Variants in CAMTA1 observed in about 807,000 individuals in gnomAD.
CAMTA1 encodes calmodulin-binding transcription activator 1.
CAMTA1 carries 27 observed loss-of-function variants against 170.9 expected under a neutral mutation model. The observed-to-expected ratio is 0.16, with a 90% CI of 0.12 to 0.22. The LOEUF (loss-of-function observed/expected upper bound fraction) is 0.22, where lower values mean the gene tolerates loss of function less well. CAMTA1 is among the 10% of genes least tolerant of loss of function. CAMTA1 has a pLI of 1.00. For missense variants in CAMTA1, 1,619 were observed against 2,217.2 expected (o/e 0.73, Z 5.42); for synonymous variants, 833 against 891.5 (o/e 0.93, Z 1.17).
chr1:7,663,289 T>C (rs1235992917), intron 8 of CAMTA1, 64 bp from the exon 9 acceptor site: 4 of 1,501,966 alleles, frequency 2.7e-6, no homozygotes, highest in Non-Finnish European at 3.6e-6. Context: ...CTTTTGTGTG[T>C]GCATGTGTGT....
In CAMTA1 at chr1:7,146,255, C is replaced by T. The variant is rs549114522; in HGVS notation, c.302+54884C>T. Among the ~76,000 whole-genome samples the T allele has an allele frequency of 1.6e-4, 24 of 152,246 alleles. No individual in the cohort carries two copies. The South Asian group carries it at 3.7e-3, about 24-fold the overall frequency. On this transcript the variant is annotated intron_variant, in intron 4 of 22. Coordinates refer to ENST00000303635, the MANE Select transcript of CAMTA1 (RefSeq NM_015215.4). The surrounding 1 kb of genome is among the most constrained non-coding windows in gnomAD (Gnocchi z 4.3). ...GCAGGAGCTTGGCAGCCCCTGAACC[C>T]GGTGCCTGCTCATGAGCCAGTCTCC...
At chr1:7,556,596 C>T (rs1443615965) in intron 6 of CAMTA1, among the ~76,000 whole-genome samples, 1 of 152,174 alleles carries the variant, frequency 6.6e-6, no homozygotes, top group Non-Finnish European at 1.5e-5. Context: ...GCCACTGTGG[C>T]CATTCCTGCT....
Position 7,067,895 on chromosome 1 carries a change from A to G in CAMTA1, c.235-23409A>G, listed in dbSNP as rs1011851997. Reference sequence around the variant, plus strand: ...GTTATTGCCAGTGAGATGGCTAGGCACTTCTAGGACAATTTCCTGGCTCTT... The same window carrying G: ...GTTATTGCCAGTGAGATGGCTAGGCGCTTCTAGGACAATTTCCTGGCTCTT... On this transcript the variant is annotated intron_variant, in intron 3 of 22. Coordinates refer to ENST00000303635, the MANE Select transcript of CAMTA1 (RefSeq NM_015215.4). The surrounding 1 kb of genome is among the most constrained non-coding windows in gnomAD (Gnocchi z 4.3). 6.6e-6 allele frequency among the ~76,000 whole-genome samples: 1 copy of G among 152,190 alleles called. No homozygotes were observed. The highest frequency in any genetic ancestry group is 1.5e-5 in the Non-Finnish European group (1 of 68,036).
intron 5 of CAMTA1, among the ~76,000 whole-genome samples, chr1:7,284,187 T>G (rs1396268447): frequency 2.0e-5 from 2 of 98,156 alleles, no homozygotes; most frequent in Non-Finnish European, 4.1e-5. Context: ...CTTATTATTA[T>G]TATTATTATT....
chr1:7,182,694 C>G (rs1652454352), intron 4 of CAMTA1, among the ~76,000 whole-genome samples: 1 of 152,046 alleles, frequency 6.6e-6, no homozygotes, highest in Non-Finnish European at 1.5e-5. Flanking sequence ...CAGCATATAT[C>G]AGAAGTAAAG....
At chr1:6,871,651 G>T (rs919593696) in intron 3 of CAMTA1, 71 of 918,192 alleles carry the variant, frequency 7.7e-5, no homozygotes, top group Non-Finnish European at 1.1e-4. Flanking sequence ...GGCTCTACAC[G>T]ACATCAGGAA....
intron 4 of CAMTA1, among the ~76,000 whole-genome samples, chr1:7,106,070 T>G (rs1643552788): frequency 6.6e-6 from 1 of 152,260 alleles, no homozygotes; most frequent in Non-Finnish European, 1.5e-5. Flanking sequence ...TTATTTCTTT[T>G]AGACCTGGTT....
At chr1:7,028,759 C>T (rs1465488181) in intron 3 of CAMTA1, among the ~76,000 whole-genome samples, 1 of 152,130 alleles carries the variant, frequency 6.6e-6, no homozygotes, top group Non-Finnish European at 1.5e-5. Flanking sequence ...TGCACGTGCT[C>T]AGTAAGTGTT....
At chr1:7,675,783 G>A (rs1040076532) in intron 10 of CAMTA1, among the ~76,000 whole-genome samples, 2 of 152,136 alleles carry the variant, frequency 1.3e-5, no homozygotes, top group African/African-American at 2.4e-5. Context: ...TGGACTGCAT[G>A]AGCGGGGAAG....
intron 4 of CAMTA1, among the ~76,000 whole-genome samples, chr1:7,245,418 C>A (rs571530749): frequency 6.6e-6 from 1 of 151,472 alleles, no homozygotes; most frequent in Admixed American, 6.6e-5. Context: ...TATAACAGAT[C>A]TTATAGAAGA....
chr1:7,739,984 G>A (rs780447640), intron 16 of CAMTA1, among the ~76,000 whole-genome samples: 9 of 152,038 alleles, frequency 5.9e-5, no homozygotes, highest in Non-Finnish European at 1.2e-4. Flanking sequence ...AATTATGGGA[G>A]CTACAGTTCA....
intron 4 of CAMTA1, among the ~76,000 whole-genome samples, chr1:7,119,494 C>T (rs1277391506): frequency 2.6e-5 from 4 of 152,128 alleles, no homozygotes; most frequent in East Asian, 3.8e-4. Context: ...CCTGCCAAAT[C>T]GGAGTTCTGG....
At chr1:6,802,294 C>T (rs534693731) in intron 1 of CAMTA1, among the ~76,000 whole-genome samples, 43 of 152,318 alleles carry the variant, frequency 2.8e-4, no homozygotes, top group African/African-American at 1.0e-3. Flanking sequence ...TACTCATCAT[C>T]ATCTGACTCC....
intron 5 of CAMTA1, among the ~76,000 whole-genome samples, chr1:7,416,408 A>G (rs2091176068): frequency 6.6e-6 from 1 of 152,222 alleles, no homozygotes; most frequent in African/African-American, 2.4e-5. Flanking sequence ...AATCAGACGT[A>G]GATTTGGTCT....
chr1:7,344,780 C>A (rs1360466043), intron 5 of CAMTA1, among the ~76,000 whole-genome samples: 1 of 149,006 alleles, frequency 6.7e-6, no homozygotes, highest in Non-Finnish European at 1.5e-5. Flanking sequence ...CAGAGTCTCG[C>A]TCTGTTGCCC....
intron 5 of CAMTA1, among the ~76,000 whole-genome samples, chr1:7,450,591 T>G (rs114964088): frequency 0.012 from 1,883 of 152,330 alleles, 33 homozygotes; most frequent in African/African-American, 0.043. Flanking sequence ...GCCTGCCCGC[T>G]CTGCCTGCAA....
chr1:7,709,834 C>A (rs780752761), intron 11 of CAMTA1, among the ~76,000 whole-genome samples: 36 of 152,232 alleles, frequency 2.4e-4, no homozygotes, highest in Non-Finnish European at 4.6e-4. Context: ...TGGTCACCAT[C>A]ATCAGATTTT....
intron 3 of CAMTA1, among the ~76,000 whole-genome samples, chr1:6,862,224 C>T (rs757983954): frequency 4.6e-5 from 7 of 152,314 alleles, no homozygotes; most frequent in African/African-American, 9.6e-5. Context: ...CCACCTGCCT[C>T]GGCCTCCCAA....
intron 4 of CAMTA1, among the ~76,000 whole-genome samples, chr1:7,108,324 G>A (rs1442687507): frequency 6.6e-6 from 1 of 152,176 alleles, no homozygotes; most frequent in Non-Finnish European, 1.5e-5. Context: ...ATATTGTTGT[G>A]AGGAGTACAT....
Sources: allele counts gnomAD v4.1 joint callset (sites outside exome capture counted in the v4.1 genomes callset), GRCh38; gene constraint gnomAD v4.1.1; non-coding constraint Gnocchi (gnomAD v3.1); transcripts MANE v1.5; gene names NCBI Gene and HGNC (gene_info 2026-07-23, HGNC 2026-07-21).